The following FAM98B variants were observed in gnomAD, a reference collection of about 807,000 sequenced individuals.
FAM98B encodes tRNA splicing ligase complex subunit 3B.
FAM98B carries 32 observed loss-of-function variants against 43.9 expected under a neutral mutation model. The ratio of observed to expected loss-of-function variants is 0.73; its 90% CI spans 0.55 to 0.98. The LOEUF is 0.98. Ranked by LOEUF, FAM98B falls within the 50% of genes least tolerant of loss-of-function variation. The probability of loss-of-function intolerance (pLI) is 0.00; values close to 1 mark genes in which losing one functional copy is unlikely to be tolerated. For missense variants in FAM98B, 514 were observed against 522.9 expected, an observed-to-expected ratio of 0.98 and a Z score of 0.17; for synonymous variants, 190 against 174.0, an observed-to-expected ratio of 1.09 and a Z score of -0.72.
In FAM98B at chr15:38,477,179, T is replaced by A. The variant is rs142447040; in HGVS notation, c.729+2881T>A. On this transcript the variant is annotated intron_variant, in intron 6 of 7. Transcript: ENST00000397609. ...AAGCACTATAAAGCCTATTGGGAACTACAGTCGTTATTAGGGATGGTTAAT... is the reference window on the plus strand; with the variant it reads ...AAGCACTATAAAGCCTATTGGGAACAACAGTCGTTATTAGGGATGGTTAAT... 6.2e-4 allele frequency among the ~76,000 whole-genome samples: 83 copies of A among 133,824 alleles called. 1 individual carries two copies. The highest frequency in any genetic ancestry group is 2.2e-3 in the African/African-American group (83 of 37,680). The allele number at this position is 133,824 out of a possible 152,430, so 87.8% of individuals were successfully genotyped here.
At chr15:38,459,429 G>A (rs1199567968) in intron 1 of FAM98B, 1 of 373,042 alleles carries the variant, frequency 2.7e-6, no homozygotes, top group African/African-American at 2.1e-5. Context: ...CAAGGGCCTT[G>A]AAGATGTTAT....
chr15:38,470,846 G>GT (rs1890120180), intron 4 of FAM98B, among the ~76,000 whole-genome samples: 1 of 152,044 alleles, frequency 6.6e-6, no homozygotes, highest in Non-Finnish European at 1.5e-5. Context: ...TAAATGTTTA[G>GT]TAAGAGTAAG....
chr15:38,474,054 G>T, intron 5 of FAM98B, 128 bp from the exon 6 acceptor site: 1 of 622,008 alleles, frequency 1.6e-6, no homozygotes, highest in East Asian at 2.7e-5. Flanking sequence ...AAGTCTCATG[G>T]GAACAGAAAA....
rs151214071 is a variant in FAM98B at position 38,462,735 on chromosome 15, A to G, written c.72-1297A>G. On this transcript the variant is annotated intron_variant, in intron 1 of 7. Transcript: ENST00000397609. ...TAAAACCCCTACAATTCTAAATTCCAGTTGGAAATAGCAATATGAAACTGA... is the reference window on the plus strand; with the variant it reads ...TAAAACCCCTACAATTCTAAATTCCGGTTGGAAATAGCAATATGAAACTGA... Among the ~76,000 whole-genome samples the G allele has an allele frequency of 2.9e-3, 441 of 152,340 alleles. 2 individuals are homozygous for G. Among genetic ancestry groups the G allele is most frequent in the African/African-American group, 0.01 (424 of 41,586 alleles).
At chr15:38,460,336 A>T (rs980277440) in intron 1 of FAM98B, among the ~76,000 whole-genome samples, 1 of 152,230 alleles carries the variant, frequency 6.6e-6, no homozygotes, top group Non-Finnish European at 1.5e-5. Context: ...ATGTAGCATA[A>T]ATAGACTCTT....
chr15:38,466,346 C>CT lies in FAM98B; in HGVS notation c.352+944dup, dbSNP rs150336034. On this transcript the variant is annotated intron_variant, in intron 3 of 7. Transcript: ENST00000397609. ...TCTTCCTCCCATTTGGTGTGAGTCA[C>CT]TGATTTAATGAACCACTGTTATTGG... Among the ~76,000 whole-genome samples, 5 of 152,218 alleles carry CT rather than the reference C, an allele frequency of 3.3e-5. No individual in the cohort carries two copies. The East Asian group carries it at 9.6e-4, about 29-fold the overall frequency.
At chr15:38,459,151 T>A in intron 1 of FAM98B, 1 of 347,832 alleles carries the variant, frequency 2.9e-6, no homozygotes, top group Non-Finnish European at 5.7e-6. Context: ...CCTGCTTGAG[T>A]GGTCTCCTCA....
At chr15:38,463,054 T>G (rs1889973907) in intron 1 of FAM98B, among the ~76,000 whole-genome samples, 2 of 152,196 alleles carry the variant, frequency 1.3e-5, no homozygotes, top group Admixed American at 1.3e-4. Context: ...ATCTGTGACT[T>G]TATAATGTTA....
At chr15:38,470,201 CAT>C in intron 3 of FAM98B, 24 bp from the exon 4 acceptor site, 1 of 1,342,046 alleles carries the variant, frequency 7.5e-7, no homozygotes, top group Non-Finnish European at 1.0e-6. Context: ...CATGTATTAA[CAT>C]TATTTATTTT....
intron 6 of FAM98B, among the ~76,000 whole-genome samples, chr15:38,480,126 ATGT>A (rs1316429526): frequency 1.3e-5 from 2 of 151,932 alleles, no homozygotes; most frequent in Non-Finnish European, 2.9e-5. Flanking sequence ...TTGTCATTAG[ATGT>A]TGTTTTATAT....
At chr15:38,479,248 A>G (rs2141061355) in intron 6 of FAM98B, among the ~76,000 whole-genome samples, 1 of 152,310 alleles carries the variant, frequency 6.6e-6, no homozygotes, top group Non-Finnish European at 1.5e-5. Context: ...GATTACAGGA[A>G]TGAGCCACTG....
intron 4 of FAM98B, among the ~76,000 whole-genome samples, chr15:38,472,169 T>C (rs1035497323): frequency 2.0e-5 from 3 of 152,128 alleles, no homozygotes; most frequent in Admixed American, 6.5e-5. Flanking sequence ...TTACGTAATG[T>C]TGGAATCCTA....
rs1394958886 is a variant in FAM98B, at chr15:38,483,607, A to T, written c.898-648A>T. On this transcript the variant is annotated intron_variant, in intron 7 of 7. Coordinates refer to ENST00000397609, the MANE Select transcript of FAM98B (RefSeq NM_173611.4). ...CGTGAACCCAGGAGGCAGAGCTTGC[A>T]GTGAGCTGAGATCATGCCACTGCAC... The T allele has an allele frequency of 2.1e-5, 3 of 142,066 alleles. No individual in the cohort carries two copies. In the Admixed American group the frequency reaches 2.2e-4, roughly 11 times the overall value. The allele number at this position is 142,066 out of a possible 1,614,324, so 8.8% of individuals were successfully genotyped here. A position where few individuals can be genotyped will look rare whatever the true frequency, so the allele number is the denominator to read the frequency against.
chr15:38,480,714 C>G (rs1890269655), intron 6 of FAM98B, among the ~76,000 whole-genome samples: 1 of 152,156 alleles, frequency 6.6e-6, no homozygotes, highest in South Asian at 2.1e-4. Flanking sequence ...TAAATGTTAA[C>G]TGATAAGATG....
In FAM98B at chr15:38,484,932, A is replaced by G; in HGVS notation, c.*273A>G. 1 of 356,608 alleles carries G rather than the reference A, an allele frequency of 2.8e-6. No individual in the cohort carries two copies. The highest frequency in any genetic ancestry group is 4.8e-6 in the Non-Finnish European group (1 of 208,900). The allele number at this position is 356,608 out of a possible 1,614,324, so 22.1% of individuals were successfully genotyped here. A position where few individuals can be genotyped will look rare whatever the true frequency, so the allele number is the denominator to read the frequency against. On this transcript the variant is annotated 3_prime_UTR_variant, in exon 8 of 8. Transcript: ENST00000397609. The stretch of plus-strand genomic sequence containing the variant: ...AAAAGAACAAAAATTATTTTTTAAA[A>G]TGTAAATATTTATTACCATCAGACT...
chr15:38,483,793 T>C (rs1183763364), intron 7 of FAM98B: 1 of 151,660 alleles, frequency 6.6e-6, no homozygotes, highest in East Asian at 1.9e-4. Context: ...TTCTTTTTTC[T>C]TCAGACTTGG....
At chr15:38,462,147 T>G (rs750677017) in intron 1 of FAM98B, among the ~76,000 whole-genome samples, 3 of 152,178 alleles carry the variant, frequency 2.0e-5, no homozygotes, top group Non-Finnish European at 2.9e-5. Context: ...TGTGTGAGCA[T>G]GTATGTGTTT....
intron 4 of FAM98B, among the ~76,000 whole-genome samples, chr15:38,472,870 A>C (rs1336691959): frequency 6.6e-6 from 1 of 152,176 alleles, no homozygotes; most frequent in Non-Finnish European, 1.5e-5. Flanking sequence ...AGGAAGGTAA[A>C]TTAATCCTTT....
chr15:38,460,776 T>A (rs1386629401), intron 1 of FAM98B, among the ~76,000 whole-genome samples: 4 of 152,200 alleles, frequency 2.6e-5, no homozygotes, highest in Non-Finnish European at 4.4e-5. Context: ...GGGACAGTTG[T>A]TAGCTATGAT....
Sources: allele counts gnomAD v4.1 joint callset (sites outside exome capture counted in the v4.1 genomes callset), GRCh38; gene constraint gnomAD v4.1.1; transcripts MANE v1.5; gene names NCBI Gene and HGNC (gene_info 2026-07-23, HGNC 2026-07-21).